PCDHGA3: variants seen among roughly 807,000 people sequenced by gnomAD.
PCDHGA3 encodes protocadherin gamma-A3.
PCDHGA3 carries 40 observed loss-of-function variants against 58.5 expected under a neutral mutation model. The observed-to-expected ratio is 0.68, with a 90% CI of 0.53 to 0.89. The LOEUF is 0.89. Ranked by LOEUF, PCDHGA3 falls within the 40% of genes least tolerant of loss-of-function variation. PCDHGA3 has a pLI of 0.00. For missense variants in PCDHGA3, 1,223 were observed against 1,195.9 expected (o/e 1.02, Z -0.33); for synonymous variants, 530 against 525.7 (o/e 1.01, Z -0.11).
At chr5:141,438,710 G>C (rs568772648) in intron 1 of PCDHGA3, among the ~76,000 whole-genome samples, 2 of 147,308 alleles carry the variant, frequency 1.4e-5, no homozygotes, top group South Asian at 4.3e-4. Context: ...ACCCAGGCTG[G>C]AGTGCAAGTG....
chr5:141,356,111 T>TG (rs755507945), intron 1 of PCDHGA3: 42 of 1,613,700 alleles, frequency 2.6e-5, no homozygotes, highest in African/African-American at 8.0e-5. Context: ...ATAACAATAT[T>TG]GGGGGGTCTA....
At chr5:141,352,241 G>T in intron 1 of PCDHGA3, 1 of 1,614,080 alleles carries the variant, frequency 6.2e-7, no homozygotes, top group Non-Finnish European at 8.5e-7. Flanking sequence ...CCTAATCTTC[G>T]CGGATAGCCT....
intron 1 of PCDHGA3, chr5:141,399,651 G>A (rs1561671286): frequency 1.2e-6 from 2 of 1,613,738 alleles, no homozygotes; most frequent in Non-Finnish European, 1.7e-6. Flanking sequence ...CGCAAAGTGG[G>A]GTGGTGTTCG....
At chr5:141,383,303 C>T (rs1445366017) in intron 1 of PCDHGA3, 4 of 1,613,892 alleles carry the variant, frequency 2.5e-6, no homozygotes. Flanking sequence ...AGATTCTTGA[C>T]GGAAGAAATA....
intron 1 of PCDHGA3, among the ~76,000 whole-genome samples, chr5:141,420,868 G>C (rs1479734969): frequency 6.6e-6 from 1 of 152,222 alleles, no homozygotes; most frequent in Non-Finnish European, 1.5e-5. Context: ...GTCACATAAT[G>C]TAAGTATTGT....
intron 1 of PCDHGA3, among the ~76,000 whole-genome samples, chr5:141,387,085 C>T (rs1242993034): frequency 6.6e-6 from 1 of 152,168 alleles, no homozygotes; most frequent in African/African-American, 2.4e-5. Flanking sequence ...TGCCTGTGAT[C>T]ATCGAAATGA....
intron 1 of PCDHGA3, among the ~76,000 whole-genome samples, chr5:141,373,358 T>C (rs1769516017): frequency 6.6e-6 from 1 of 152,204 alleles, no homozygotes; most frequent in Non-Finnish European, 1.5e-5. Flanking sequence ...TAATGGGCAC[T>C]GTAATGAATT....
chr5:141,493,937 A>G lies in PCDHGA3; in HGVS notation c.2425-870A>G, dbSNP rs931274307. Among the ~76,000 whole-genome samples the G allele has an allele frequency of 6.6e-6, 1 of 152,212 alleles. No individual in the cohort carries two copies. The highest frequency in any genetic ancestry group is 1.5e-5 in the Non-Finnish European group (1 of 68,022). ...GGATAACACACCCCCTGGAAAGACCAGAAGGGACTCAGGAATGAAGTGGCT... is the reference window on the plus strand; with the variant it reads ...GGATAACACACCCCCTGGAAAGACCGGAAGGGACTCAGGAATGAAGTGGCT... On this transcript the variant is annotated intron_variant, in intron 1 of 3. Coordinates refer to ENST00000253812, the MANE Select transcript of PCDHGA3 (RefSeq NM_018916.4). This position sits in a 1 kb window ranked among gnomAD's most constrained non-coding sequence, Gnocchi z 4.3.
At chr5:141,370,980 C>G (rs1197203581) in intron 1 of PCDHGA3, 8 of 1,613,868 alleles carry the variant, frequency 5.0e-6, no homozygotes, top group African/African-American at 1.3e-5. Context: ...AGAGCTAGTA[C>G]TGAAAGCACC....
intron 1 of PCDHGA3, among the ~76,000 whole-genome samples, chr5:141,469,392 T>C (rs2099199760): frequency 6.6e-6 from 1 of 152,046 alleles, no homozygotes; most frequent in South Asian, 2.1e-4. Flanking sequence ...CTGGCCAACA[T>C]GGTGAAACCC....
At chr5:141,438,763 G>C (rs537316602) in intron 1 of PCDHGA3, among the ~76,000 whole-genome samples, 1 of 149,962 alleles carries the variant, frequency 6.7e-6, no homozygotes, top group South Asian at 2.1e-4. Context: ...CTGGGTTCAA[G>C]CGATTCTCCT....
chr5:141,379,388 A>G (rs1218956688), intron 1 of PCDHGA3: 1 of 152,228 alleles, frequency 6.6e-6, no homozygotes, highest in Non-Finnish European at 1.5e-5. Flanking sequence ...AACAATTTTA[A>G]ACAACTTGAA....
chr5:141,371,726 T>C (rs769173416), intron 1 of PCDHGA3: 1 of 1,614,050 alleles, frequency 6.2e-7, no homozygotes, highest in Non-Finnish European at 8.5e-7. Flanking sequence ...ACATCCTTGA[T>C]GTCAACGACA....
intron 1 of PCDHGA3, chr5:141,415,152 C>T (rs758450562): frequency 6.2e-7 from 1 of 1,613,812 alleles, no homozygotes; most frequent in Admixed American, 1.7e-5. Context: ...CCCCTCTCTC[C>T]GCCACTGTCA....
intron 1 of PCDHGA3, among the ~76,000 whole-genome samples, chr5:141,468,946 C>T (rs1437282358): frequency 7.0e-6 from 1 of 141,900 alleles, no homozygotes; most frequent in East Asian, 2.0e-4. Context: ...ATGGGGTAAA[C>T]CTGTGGTTTT....
At chr5:141,427,566 C>A (rs1218268757) in intron 1 of PCDHGA3, 1 of 659,032 alleles carries the variant, frequency 1.5e-6, no homozygotes, top group Non-Finnish European at 2.8e-6. Context: ...CAAGGGCAAG[C>A]CTCCGCTCTC....
chr5:141,402,785 CG>C, intron 1 of PCDHGA3: 1 of 904,572 alleles, frequency 1.1e-6, no homozygotes, highest in South Asian at 2.1e-5. Context: ...TCCAGTTCTG[CG>C]GCTACACAAA....
intron 1 of PCDHGA3, among the ~76,000 whole-genome samples, chr5:141,445,458 A>G (rs1427391084): frequency 6.6e-6 from 1 of 152,248 alleles, no homozygotes; most frequent in Non-Finnish European, 1.5e-5. Flanking sequence ...TGCAGCAATG[A>G]ACAAGGCATA....
intron 1 of PCDHGA3, chr5:141,414,764 A>G: frequency 6.2e-7 from 1 of 1,614,194 alleles, no homozygotes; most frequent in Non-Finnish European, 8.5e-7. Flanking sequence ...GAGCAGTTTC[A>G]TGAGCTACAG....
Sources: gnomAD v4.1 joint callset for allele counts (sites outside exome capture counted in the v4.1 genomes callset) on GRCh38, gnomAD v4.1.1 for gene constraint, Gnocchi (gnomAD v3.1) non-coding constraint, MANE v1.5 for transcripts, NCBI Gene and HGNC (gene_info 2026-07-23, HGNC 2026-07-21) for gene names.